Variants in LRBA observed in about 807,000 individuals in gnomAD.
LRBA encodes lipopolysaccharide-responsive and beige-like anchor protein.
Under a neutral mutation model 330.0 loss-of-function variants are expected in LRBA, and 176 were observed. The observed-to-expected ratio is 0.53, with a 90% CI of 0.47 to 0.60. The LOEUF (loss-of-function observed/expected upper bound fraction) is 0.60. Ranked by LOEUF, LRBA falls within the 20% of genes least tolerant of loss-of-function variation. The pLI is 0.00. For synonymous variants in LRBA, 1,230 were observed against 1,193.0 expected, an observed-to-expected ratio of 1.03 and a Z score of -0.64; for missense variants, 3,259 against 3,444.8, an observed-to-expected ratio of 0.95 and a Z score of 1.35.
At chr4:150,317,348 G>C (rs971434097) in intron 50 of LRBA, among the ~76,000 whole-genome samples, 1 of 152,098 alleles carries the variant, frequency 6.6e-6, no homozygotes, top group East Asian at 1.9e-4. Flanking sequence ...CTCTGTCATA[G>C]TTTCTCCAGT....
chr4:150,559,732 T>A (rs1300474982), intron 40 of LRBA, among the ~76,000 whole-genome samples: 1 of 90,198 alleles, frequency 1.1e-5, no homozygotes, highest in African/African-American at 4.6e-5. Context: ...ATATAATATA[T>A]AATATAATAT....
At chr4:150,602,977 A>G (rs1268133207) in intron 37 of LRBA, among the ~76,000 whole-genome samples, 1 of 152,194 alleles carries the variant, frequency 6.6e-6, no homozygotes. Flanking sequence ...ATACCTTTAT[A>G]TATCTGTATC....
intron 40 of LRBA, among the ~76,000 whole-genome samples, chr4:150,557,957 G>C (rs181477360): frequency 5.8e-4 from 88 of 152,132 alleles, no homozygotes; most frequent in Admixed American, 2.3e-3. Flanking sequence ...GAGTGTAGTG[G>C]CGCAATCTTG....
At chr4:150,393,730 C>A (rs1744329287) in intron 47 of LRBA, among the ~76,000 whole-genome samples, 1 of 152,158 alleles carries the variant, frequency 6.6e-6, no homozygotes, top group African/African-American at 2.4e-5. Flanking sequence ...AAGTCATCCT[C>A]CCACCTTGGC....
intron 39 of LRBA, among the ~76,000 whole-genome samples, chr4:150,589,090 C>A (rs964190117): frequency 2.7e-5 from 4 of 146,582 alleles, no homozygotes; most frequent in Admixed American, 6.7e-5. Flanking sequence ...GAGAGATCGA[C>A]GTAGAAAGAA....
chr4:150,833,994 T>C (rs943562997), intron 28 of LRBA, among the ~76,000 whole-genome samples: 6 of 152,202 alleles, frequency 3.9e-5, no homozygotes, highest in African/African-American at 1.2e-4. Context: ...TCTTTGATTA[T>C]CCATAGGAAG....
At chr4:150,715,660 T>C (rs1471324319) in intron 36 of LRBA, among the ~76,000 whole-genome samples, 1 of 152,218 alleles carries the variant, frequency 6.6e-6, no homozygotes, top group Non-Finnish European at 1.5e-5. Context: ...TTGCCAAGTG[T>C]TAGTGAAAGA....
chr4:150,785,301 T>C (rs1738888541), intron 34 of LRBA, among the ~76,000 whole-genome samples: 1 of 152,138 alleles, frequency 6.6e-6, no homozygotes, highest in Non-Finnish European at 1.5e-5. Flanking sequence ...CGAAAAGACA[T>C]CTTAAAGGCC....
At chr4:150,538,038 TCAA>T (rs1474338059) in intron 40 of LRBA, among the ~76,000 whole-genome samples, 1 of 152,036 alleles carries the variant, frequency 6.6e-6, no homozygotes, top group Non-Finnish European at 1.5e-5. Context: ...TAAAAAGTGC[TCAA>T]CATCACTAAT....
chr4:150,305,020 T>G (rs898986772), intron 52 of LRBA, among the ~76,000 whole-genome samples: 1 of 152,190 alleles, frequency 6.6e-6, no homozygotes, highest in Non-Finnish European at 1.5e-5. Flanking sequence ...ATAGGTGTGA[T>G]TTAAATAGAT....
At chr4:151,010,849 A>G (rs2072778522) in intron 2 of LRBA, among the ~76,000 whole-genome samples, 1 of 147,270 alleles carries the variant, frequency 6.8e-6, no homozygotes, top group South Asian at 2.2e-4. Flanking sequence ...GCACCACTGC[A>G]CTCCAACCTG....
chr4:150,816,976 T>C (rs1233228024), intron 31 of LRBA, 148 bp downstream of exon 31: 2 of 649,824 alleles, frequency 3.1e-6, no homozygotes, highest in Non-Finnish European at 5.2e-6. Flanking sequence ...TTTACTCAAA[T>C]TTATTCAGAA....
chr4:150,733,114 C>T (rs922421342), intron 36 of LRBA, among the ~76,000 whole-genome samples: 2 of 151,918 alleles, frequency 1.3e-5, no homozygotes, highest in African/African-American at 4.8e-5. Flanking sequence ...TAATGGAGTG[C>T]TTTACTAATG....
intron 32 of LRBA, among the ~76,000 whole-genome samples, chr4:150,807,843 T>A (rs1578848855): frequency 6.6e-6 from 1 of 152,038 alleles, no homozygotes; most frequent in Non-Finnish European, 1.5e-5. Flanking sequence ...AGAGATGAGT[T>A]TTCACCATGT....
chr4:150,293,988 T>C (rs943504972), intron 53 of LRBA, among the ~76,000 whole-genome samples: 1 of 152,236 alleles, frequency 6.6e-6, no homozygotes, highest in Admixed American at 6.5e-5. Context: ...ATACAAAATA[T>C]GTGTTAACCA....
intron 40 of LRBA, among the ~76,000 whole-genome samples, chr4:150,510,376 TCAGC>T (rs1178714109): frequency 1.3e-4 from 20 of 152,244 alleles, no homozygotes; most frequent in African/African-American, 4.8e-4. Context: ...TTCTATGAGG[TCAGC>T]ATTATCCAGA....
intron 34 of LRBA, among the ~76,000 whole-genome samples, chr4:150,779,188 C>T (rs1737825181): frequency 6.6e-6 from 1 of 152,054 alleles, no homozygotes; most frequent in Non-Finnish European, 1.5e-5. Context: ...CTACAGACCA[C>T]TATAAACATT....
chr4:150,674,250 T>C (rs2126878527), intron 37 of LRBA, among the ~76,000 whole-genome samples: 1 of 151,960 alleles, frequency 6.6e-6, no homozygotes, highest in Non-Finnish European at 1.5e-5. Flanking sequence ...TAAAAATCAT[T>C]AGGTAAAAGA....
At chr4:150,279,645 C>A (rs1747251842) in intron 55 of LRBA, among the ~76,000 whole-genome samples, 1 of 152,198 alleles carries the variant, frequency 6.6e-6, no homozygotes. Flanking sequence ...TTAGTAGTCC[C>A]TTAAATACAG....
Sources: allele counts gnomAD v4.1 joint callset (sites outside exome capture counted in the v4.1 genomes callset), GRCh38; gene constraint gnomAD v4.1.1; transcripts MANE v1.5; gene names NCBI Gene and HGNC (gene_info 2026-07-23, HGNC 2026-07-21).